HPS3: variants seen among roughly 807,000 people sequenced by gnomAD.
The protein encoded by HPS3 is BLOC-2 complex member HPS3.
In HPS3, 79 loss-of-function variants were observed where a neutral mutation model predicts 110.9. The observed-to-expected ratio is 0.71, with a 90% CI of 0.59 to 0.86. The LOEUF (loss-of-function observed/expected upper bound fraction) is 0.86. HPS3 is among the 40% of genes least tolerant of loss of function. HPS3 has a pLI of 0.00. For synonymous variants in HPS3, 428 were observed against 451.0 expected (o/e 0.95, Z 0.65); for missense variants, 1,197 against 1,206.2 (o/e 0.99, Z 0.11).
chr3:149,147,281 A>G (rs1057166247), intron 5 of HPS3, among the ~76,000 whole-genome samples: 1 of 152,204 alleles, frequency 6.6e-6, no homozygotes, highest in Non-Finnish European at 1.5e-5. Flanking sequence ...GGACACATAG[A>G]ACTGTAGATT....
rs80170225 is a variant in HPS3, at chr3:149,153,689, G to A, written c.1400+41G>A. ...CCCCAGGCATTCCTGCCAGTTTCTG[G>A]AATGAGTTGTAACTGGTATATTTTG... On this transcript the variant is annotated intron_variant, in intron 7 of 16. Coordinates refer to ENST00000296051, the MANE Select transcript of HPS3 (RefSeq NM_032383.5). 15,849 of 1,594,818 alleles carry A rather than the reference G, an allele frequency of 9.9e-3. 217 individuals carry two copies. The highest frequency in any genetic ancestry group is 0.058 in the African/African-American group (4,304 of 74,604).
rs1236974895 is a variant in HPS3 at position 149,130,193 on chromosome 3, T to G, written c.217+253T>G. 1.6e-5 allele frequency: 9 copies of G among 571,872 alleles called. 1 individual carries two copies. The highest frequency in any genetic ancestry group is 7.5e-5 in the African/African-American group (4 of 52,996). 35.4% of individuals were successfully genotyped at this position (571,872 alleles called of 1,614,324 possible). A position where few individuals can be genotyped will look rare whatever the true frequency, so the allele number is the denominator to read the frequency against. On this transcript the variant is annotated intron_variant, in intron 1 of 16. Coordinates refer to ENST00000296051, the MANE Select transcript of HPS3 (RefSeq NM_032383.5). ...CTGACATCTCTTCGTCTTGGTTTTC[T>G]GCAGAAAGGCCTCTGGCTGGATTCC...
At chr3:149,171,551 T>A (rs1471624295) in intron 16 of HPS3, among the ~76,000 whole-genome samples, 1 of 152,184 alleles carries the variant, frequency 6.6e-6, no homozygotes, top group East Asian at 1.9e-4. Flanking sequence ...AATGAAATAA[T>A]AAATCCAAAT....
At chr3:149,149,252 C>T (rs532080728) in intron 5 of HPS3, among the ~76,000 whole-genome samples, 234 of 151,736 alleles carry the variant, frequency 1.5e-3, no homozygotes, top group African/African-American at 5.1e-3. Context: ...CTTGAGCCAC[C>T]ACGCCTGGCC....
chr3:149,167,823 T>C (rs1724578213), intron 15 of HPS3, 70 bp from the exon 16 acceptor site: 2 of 945,672 alleles, frequency 2.1e-6, no homozygotes, highest in African/African-American at 3.2e-5. Context: ...TGCACAATCT[T>C]CTTATTCTCC....
intron 1 of HPS3, among the ~76,000 whole-genome samples, chr3:149,131,255 C>T (rs944241005): frequency 1.3e-5 from 2 of 151,818 alleles, no homozygotes; most frequent in Non-Finnish European, 2.9e-5. Flanking sequence ...CAAGTAAAGA[C>T]ATATACAGGC....
Position 149,134,424 on chromosome 3 carries a change from T to C in HPS3, c.217+4484T>C, listed in dbSNP as rs185642809. Among the ~76,000 whole-genome samples the C allele has an allele frequency of 3.1e-4, 47 of 152,338 alleles. 1 individual carries two copies. Among genetic ancestry groups the C allele is most frequent in the African/African-American group, 8.4e-4 (35 of 41,574 alleles). On this transcript the variant is annotated intron_variant, in intron 1 of 16. Transcript: ENST00000296051. ...ACAGACAGGCATACACACAGACAGA[T>C]AATATGTTTACATGATTTACTTCAT... is the stretch of plus-strand genomic sequence containing the variant.
Position 149,162,240 on chromosome 3 carries a change from G to C in HPS3, c.2199G>C (p.Leu733Phe), listed in dbSNP as rs777278124. ...TTCCAACCGAGCTTGCACTTCACTT[G>C]AAGGAAACTCAGCCTGGATTGCTTG... Reference protein sequence around the residue: ...QIVPTELALHLKETQPGLLVA... With the variant: ...QIVPTELALHFKETQPGLLVA... The change falls in exon 12 of 17, where the codon TTG becomes TTC. Residue 733 changes from leucine (L) to phenylalanine (F), a missense_variant. Leu to Phe is a conservative substitution (Grantham distance 22). Transcript: ENST00000296051. 5 of 1,613,886 alleles carry C rather than the reference G, an allele frequency of 3.1e-6. No individual in the cohort carries two copies. Among genetic ancestry groups the C allele is most frequent in the Non-Finnish European group, 4.2e-6 (5 of 1,179,946 alleles).
Position 149,162,829 on chromosome 3 carries a change from C to A in HPS3, c.2432C>A (p.Ser811Tyr), listed in dbSNP as rs778009938. ...KLTSQYIWRL[S>Y]KRQPPDTTPL... The stretch of plus-strand genomic sequence containing the variant: ...ACATCACAGTACATCTGGAGATTGT[C>A]TAAGAGGCAGCCTCCTGACACCACA... Residue 811 changes from serine to tyrosine, a missense_variant, in exon 13 of 17, where the codon TCT becomes TAT. Transcript: ENST00000296051. The A allele has an allele frequency of 1.2e-6, 2 of 1,613,988 alleles. No individual in the cohort carries two copies. The highest frequency in any genetic ancestry group is 2.2e-5 in the South Asian group (2 of 91,074).
At chr3:149,162,388 G>A (rs560990097) in intron 12 of HPS3, 55 bp downstream of exon 12, 3 of 1,474,114 alleles carry the variant, frequency 2.0e-6, no homozygotes, top group Admixed American at 1.7e-5. Flanking sequence ...ATTGGTGGTG[G>A]GGAGGGACAG....
In HPS3 at chr3:149,172,774, C is replaced by G. The variant is rs1380097788; in HGVS notation, c.*552C>G. 6.5e-6 allele frequency: 1 copy of G among 152,926 alleles called. No homozygotes were observed. The highest frequency in any genetic ancestry group is 1.5e-5 in the Non-Finnish European group (1 of 68,306). 9.5% of individuals were successfully genotyped at this position (152,926 alleles called of 1,614,324 possible). On this transcript the variant is annotated 3_prime_UTR_variant, in exon 17 of 17. Coordinates refer to ENST00000296051, the MANE Select transcript of HPS3 (RefSeq NM_032383.5). ...TGTTACTTTTAAGAAAACTCATGCTCTGTTTCTCTGAATCAAATGAAGTAG... is the reference window on the plus strand; with the variant it reads ...TGTTACTTTTAAGAAAACTCATGCTGTGTTTCTCTGAATCAAATGAAGTAG...
rs765716158 is a variant in HPS3, at chr3:149,153,500, C to G, written c.1252C>G (p.Pro418Ala). 6.2e-7 allele frequency: 1 copy of G among 1,613,650 alleles called. No homozygotes were observed. Among genetic ancestry groups the G allele is most frequent in the Non-Finnish European group, 8.5e-7 (1 of 1,179,616 alleles). Residue 418 changes from proline to alanine, a missense_variant, in exon 7 of 17, where the codon CCA becomes GCA. Transcript: ENST00000296051. ...TGTGATTTTCCTTTACTAGGCTTGC[C>G]CACCTGTCAGTATGGATGTCTGTGC... Reference protein sequence around the residue: ...PYMDTTLKACPPVSMDVCALR... With the variant: ...PYMDTTLKACAPVSMDVCALR...
chr3:149,146,818 A>G (rs1047516777), intron 5 of HPS3, among the ~76,000 whole-genome samples: 3 of 152,238 alleles, frequency 2.0e-5, no homozygotes, highest in Admixed American at 2.0e-4. Context: ...GCTGAAAAGT[A>G]GACAGGTGGT....
chr3:149,151,093 G>A (rs966848319), intron 6 of HPS3, among the ~76,000 whole-genome samples: 15 of 151,868 alleles, frequency 9.9e-5, no homozygotes, highest in Admixed American at 1.3e-4. Flanking sequence ...CTGCAGCCTC[G>A]AACTCCTGGA....
In HPS3 at chr3:149,167,243, A is replaced by G; in HGVS notation, c.2796+3A>G. 1 of 1,607,324 alleles carries G rather than the reference A, an allele frequency of 6.2e-7. No individual in the cohort carries two copies. Among genetic ancestry groups the G allele is most frequent in the South Asian group, 1.1e-5 (1 of 90,696 alleles). Reference sequence around the variant, plus strand: ...ATGAACTGAAAGAAGAGAACCGGGTATGCTTTTTCAGATTATGTTTTTAGG... The same window carrying G: ...ATGAACTGAAAGAAGAGAACCGGGTGTGCTTTTTCAGATTATGTTTTTAGG... On this transcript the variant is annotated splice_donor_region_variant and intron_variant, in intron 15 of 16. Coordinates refer to ENST00000296051, the MANE Select transcript of HPS3 (RefSeq NM_032383.5).
intron 16 of HPS3, 102 bp downstream of exon 16, chr3:149,168,085 G>A: frequency 4.0e-6 from 3 of 745,890 alleles, no homozygotes; most frequent in South Asian, 3.0e-5. Flanking sequence ...GTGAAACCGA[G>A]GGCCTTTCAG....
chr3:149,163,760 A>G, intron 13 of HPS3, 82 bp from the exon 14 acceptor site: 1 of 781,362 alleles, frequency 1.3e-6, no homozygotes, highest in South Asian at 1.4e-5. Context: ...CAGAGAATTA[A>G]TGATTGCTTT....
rs369045302 is a variant in HPS3, at chr3:149,162,673, C to A, written c.2293-17C>A. On this transcript the variant is annotated splice_polypyrimidine_tract_variant and intron_variant, in intron 12 of 16. Coordinates refer to ENST00000296051, the MANE Select transcript of HPS3 (RefSeq NM_032383.5). ...ATATTTATCTGGAATATAGAGGCTC[C>A]TTTTACTGTTTTTAAGGTGCTTTGT... 4 of 1,613,598 alleles carry A rather than the reference C, an allele frequency of 2.5e-6. No individual in the cohort carries two copies. The African/African-American group carries it at 4.0e-5, about 16-fold the overall frequency.
intron 5 of HPS3, among the ~76,000 whole-genome samples, chr3:149,149,922 G>C (rs1354498338): frequency 2.0e-5 from 3 of 152,200 alleles, no homozygotes; most frequent in African/African-American, 7.2e-5. Context: ...GCAGCCTGGA[G>C]TTGTGGAAAG....
Sources: gnomAD v4.1 joint callset for allele counts (sites outside exome capture counted in the v4.1 genomes callset) on GRCh38, gnomAD v4.1.1 for gene constraint, MANE v1.5 for transcripts, NCBI Gene and HGNC (gene_info 2026-07-23, HGNC 2026-07-21) for gene names.